Variants in AGBL1 observed in about 807,000 individuals in gnomAD.
The protein encoded by AGBL1 is cytosolic carboxypeptidase 4.
AGBL1 carries 130 observed loss-of-function variants against 118.9 expected under a neutral mutation model. The ratio of observed to expected loss-of-function variants is 1.09; its 90% CI spans 0.95 to 1.26. AGBL1 has a LOEUF of 1.26. AGBL1 is among the 50% of genes most tolerant of loss of function. The pLI is 0.00. For missense variants in AGBL1, 1,584 were observed against 1,298.1 expected (o/e 1.22, Z -3.38); for synonymous variants, 555 against 478.9 (o/e 1.16, Z -2.08).
chr15:86,809,055 A>G (rs1596501936), intron 22 of AGBL1, among the ~76,000 whole-genome samples: 1 of 150,902 alleles, frequency 6.6e-6, no homozygotes, highest in East Asian at 1.9e-4. Context: ...ATCTAAAAAA[A>G]GGAGAGGCTT....
chr15:86,725,297 G>T (rs750553024), intron 22 of AGBL1, among the ~76,000 whole-genome samples: 32 of 152,194 alleles, frequency 2.1e-4, no homozygotes, highest in Non-Finnish European at 1.5e-4. Flanking sequence ...AATGCACAGA[G>T]ACATGGTCTA....
At chr15:86,988,302 C>G in intron 24 of AGBL1, 1 of 506,862 alleles carries the variant, frequency 2.0e-6, no homozygotes, top group Non-Finnish European at 3.5e-6. Flanking sequence ...AATACGATTA[C>G]TGGTTGTTCT....
chr15:86,436,835 C>A (rs1209255891), intron 18 of AGBL1, among the ~76,000 whole-genome samples: 3 of 152,138 alleles, frequency 2.0e-5, no homozygotes, highest in African/African-American at 7.2e-5. Context: ...GCCTAAGGAA[C>A]TGCTTATGGT....
At chr15:86,436,969 C>G (rs2082007543) in intron 18 of AGBL1, among the ~76,000 whole-genome samples, 1 of 151,448 alleles carries the variant, frequency 6.6e-6, no homozygotes, top group Non-Finnish European at 1.5e-5. Flanking sequence ...CTTGAAAAAG[C>G]ATCATTGTGC....
intron 23 of AGBL1, among the ~76,000 whole-genome samples, chr15:86,954,285 C>T (rs1047482839): frequency 6.6e-6 from 1 of 152,062 alleles, no homozygotes; most frequent in East Asian, 1.9e-4. Context: ...CTTGGCAATC[C>T]CATTACTGTG....
intron 18 of AGBL1, among the ~76,000 whole-genome samples, chr15:86,397,777 T>C (rs951002708): frequency 2.2e-4 from 34 of 152,314 alleles, no homozygotes; most frequent in African/African-American, 7.7e-4. Flanking sequence ...GAGGATCACT[T>C]GAGACTTGGA....
chr15:86,831,763 CT>C (rs2079107479), intron 22 of AGBL1, among the ~76,000 whole-genome samples: 1 of 152,180 alleles, frequency 6.6e-6, no homozygotes, highest in African/African-American at 2.4e-5. Context: ...TTTCTGGGGT[CT>C]GGAGGGTGGT....
chr15:86,459,086 G>A (rs1014215296), intron 18 of AGBL1, among the ~76,000 whole-genome samples: 11 of 152,136 alleles, frequency 7.2e-5, no homozygotes, highest in African/African-American at 2.7e-4. Flanking sequence ...GAAACTAGAA[G>A]TTTCTGCTTC....
At chr15:86,628,492 T>G (rs1381984898) in intron 21 of AGBL1, among the ~76,000 whole-genome samples, 1 of 152,102 alleles carries the variant, frequency 6.6e-6, no homozygotes, top group Non-Finnish European at 1.5e-5. Context: ...TTGAACTAAT[T>G]TTTTTTCTTT....
intron 17 of AGBL1, among the ~76,000 whole-genome samples, chr15:86,356,142 C>T (rs2080713849): frequency 6.6e-6 from 1 of 151,914 alleles, no homozygotes; most frequent in Non-Finnish European, 1.5e-5. Context: ...AAGCACATAG[C>T]AGAGGGAGAG....
chr15:86,089,864 A>C (rs1895905975), intron 1 of AGBL1, among the ~76,000 whole-genome samples: 1 of 152,156 alleles, frequency 6.6e-6, no homozygotes, highest in Admixed American at 6.5e-5. Flanking sequence ...TTTGACTTTA[A>C]TTGCACCAAC....
chr15:86,316,431 G>A (rs1271909610), intron 17 of AGBL1, among the ~76,000 whole-genome samples: 2 of 152,154 alleles, frequency 1.3e-5, no homozygotes, highest in Admixed American at 6.5e-5. Flanking sequence ...GCCATCAAAC[G>A]CAGGAGTGAA....
chr15:86,344,157 C>T (rs1398380264), intron 17 of AGBL1, among the ~76,000 whole-genome samples: 2 of 152,086 alleles, frequency 1.3e-5, no homozygotes, highest in South Asian at 2.1e-4. Flanking sequence ...ATAGCATGGG[C>T]TGGAGGGGCA....
At chr15:86,898,240 G>T (rs7165155) in intron 22 of AGBL1, among the ~76,000 whole-genome samples, 24,205 of 152,150 alleles carry the variant, frequency 0.16, 2,329 homozygotes, top group African/African-American at 0.29. Flanking sequence ...AAAGTAGCTT[G>T]ACTGTGTTTG....
intron 22 of AGBL1, among the ~76,000 whole-genome samples, chr15:86,870,195 G>T: frequency 6.6e-6 from 1 of 151,908 alleles, no homozygotes; most frequent in East Asian, 1.9e-4. Context: ...AAAGAAAAGG[G>T]AACTAATTTA....
chr15:86,952,443 TA>T (rs2080889242), intron 23 of AGBL1, among the ~76,000 whole-genome samples: 2 of 152,312 alleles, frequency 1.3e-5, no homozygotes, highest in South Asian at 4.1e-4. Context: ...AATTGACACT[TA>T]ATGTGATTAT....
intron 1 of AGBL1, among the ~76,000 whole-genome samples, chr15:86,082,570 T>C (rs542518259): frequency 1.3e-5 from 2 of 152,236 alleles, no homozygotes; most frequent in Non-Finnish European, 2.9e-5. Flanking sequence ...TGTTTGTGGA[T>C]GTCCTCCTAC....
At chr15:86,383,275 A>AAAAAAAAAAAAAT (rs544397935) in intron 17 of AGBL1, among the ~76,000 whole-genome samples, 1 of 118,892 alleles carries the variant, frequency 8.4e-6, no homozygotes, top group Non-Finnish European at 1.7e-5. Flanking sequence ...AAAAAAAAAA[A>AAAAAAAAAAAAAT]TCCTAATTGC....
chr15:86,251,895 T>C (rs1020853521), intron 7 of AGBL1, among the ~76,000 whole-genome samples: 1 of 151,994 alleles, frequency 6.6e-6, no homozygotes, highest in African/African-American at 2.4e-5. Context: ...AATAGGTAAC[T>C]GCAGAAGGAA....
Sources: allele counts gnomAD v4.1 joint callset (sites outside exome capture counted in the v4.1 genomes callset), GRCh38; gene constraint gnomAD v4.1.1; transcripts MANE v1.5; gene names NCBI Gene and HGNC (gene_info 2026-07-23, HGNC 2026-07-21).